Variants in VPS13B observed in about 807,000 individuals in gnomAD.
The protein encoded by VPS13B is intermembrane lipid transfer protein VPS13B.
A neutral mutation model predicts 426.4 loss-of-function variants in VPS13B; 285 were observed. The ratio of observed to expected loss-of-function variants is 0.67; its 90% CI spans 0.61 to 0.74. The LOEUF is 0.74. Among genes scored for constraint, VPS13B ranks in the 30% least tolerant of loss-of-function variants. The pLI, the probability that VPS13B is intolerant of heterozygous loss-of-function variation, is 0.00. For synonymous variants in VPS13B, 1,676 were observed against 1,676.4 expected (o/e 1.00, Z 0.01); for missense variants, 4,537 against 4,782.6 (o/e 0.95, Z 1.51).
chr8:99,851,757 G>C (rs532642188), intron 55 of VPS13B, among the ~76,000 whole-genome samples: 2 of 152,224 alleles, frequency 1.3e-5, no homozygotes, highest in South Asian at 4.1e-4. Context: ...CAGGAGGTAA[G>C]AGCTAGAAGG....
chr8:99,704,179 G>C (rs551099976), intron 36 of VPS13B, among the ~76,000 whole-genome samples: 1 of 152,228 alleles, frequency 6.6e-6, no homozygotes, highest in Non-Finnish European at 1.5e-5. Flanking sequence ...CTGTCATCCA[G>C]ATGTACTTAT....
chr8:99,085,547 G>A (rs980086585), intron 3 of VPS13B, among the ~76,000 whole-genome samples: 2 of 152,104 alleles, frequency 1.3e-5, no homozygotes, highest in Admixed American at 1.3e-4. Flanking sequence ...TCCTAGCATC[G>A]ATGGTGTTTA....
chr8:99,438,550 A>AT (rs1817519995), intron 22 of VPS13B, among the ~76,000 whole-genome samples: 1 of 152,172 alleles, frequency 6.6e-6, no homozygotes, highest in Non-Finnish European at 1.5e-5. Context: ...AAATCTAGGA[A>AT]TTTTTAATGT....
Position 99,286,308 on chromosome 8 carries a change from C to T in VPS13B, c.2824+11054C>T, listed in dbSNP as rs142215063. ...TATGGGGAAAAATGTAGTCTGGCTT[C>T]GGTCTGTTAAAGAATAATTTTTAAA... On this transcript the variant is annotated intron_variant, in intron 19 of 61. Coordinates refer to ENST00000357162, the MANE Select transcript of VPS13B (RefSeq NM_152564.5). Among the ~76,000 whole-genome samples the T allele has an allele frequency of 6.5e-3, 983 of 152,204 alleles. 8 individuals are homozygous for T. Among genetic ancestry groups the T allele is most frequent in the African/African-American group, 0.022 (923 of 41,530 alleles).
chr8:99,458,781 G>A (rs912957044), intron 23 of VPS13B, among the ~76,000 whole-genome samples: 3 of 152,036 alleles, frequency 2.0e-5, no homozygotes, highest in African/African-American at 7.2e-5. Context: ...TTTTTTTATT[G>A]TAAATTTGTT....
chr8:99,809,925 C>A (rs1813610851), intron 44 of VPS13B, among the ~76,000 whole-genome samples: 1 of 152,110 alleles, frequency 6.6e-6, no homozygotes, highest in African/African-American at 2.4e-5. Flanking sequence ...GGTTCTCATG[C>A]ACGTGAGAAT....
At chr8:99,540,414 A>G (rs1374800064) in intron 30 of VPS13B, among the ~76,000 whole-genome samples, 1 of 152,006 alleles carries the variant, frequency 6.6e-6, no homozygotes, top group Non-Finnish European at 1.5e-5. Context: ...ACTTTACAGA[A>G]TTAATGAAAA....
intron 19 of VPS13B, among the ~76,000 whole-genome samples, chr8:99,363,278 A>C (rs1381762306): frequency 6.6e-6 from 1 of 152,084 alleles, no homozygotes; most frequent in Non-Finnish European, 1.5e-5. Context: ...CCTTTCCCCA[A>C]TATGTGTTCT....
intron 19 of VPS13B, among the ~76,000 whole-genome samples, chr8:99,336,177 T>C (rs1289413592): frequency 6.6e-6 from 1 of 152,000 alleles, no homozygotes; most frequent in Non-Finnish European, 1.5e-5. Flanking sequence ...TATAGATCAA[T>C]GGAACAGAAC....
intron 30 of VPS13B, among the ~76,000 whole-genome samples, chr8:99,546,099 T>A (rs939445272): frequency 2.0e-5 from 3 of 152,218 alleles, no homozygotes; most frequent in African/African-American, 7.2e-5. Context: ...ATGATTATTG[T>A]AAGTTTGAGA....
chr8:99,778,649 A>C (rs372374753), intron 41 of VPS13B, 33 bp from the exon 42 acceptor site: 28 of 1,579,048 alleles, frequency 1.8e-5, no homozygotes, highest in Admixed American at 1.3e-4. Context: ...GGCTCATCTT[A>C]ATTGCTGTTT....
intron 17 of VPS13B, among the ~76,000 whole-genome samples, chr8:99,221,479 T>C (rs1057064980): frequency 2.0e-5 from 3 of 152,074 alleles, no homozygotes; most frequent in African/African-American, 7.2e-5. Flanking sequence ...AGGAGAGAAA[T>C]GTTAATTTTT....
intron 52 of VPS13B, 122 bp from the exon 53 acceptor site, chr8:99,835,075 G>T: frequency 8.2e-7 from 1 of 1,223,438 alleles, no homozygotes; most frequent in East Asian, 2.4e-5. Flanking sequence ...AATCTCCCCT[G>T]AGTTATAAAA....
chr8:99,695,166 A>C (rs1339015979), intron 35 of VPS13B, among the ~76,000 whole-genome samples: 1 of 151,514 alleles, frequency 6.6e-6, no homozygotes, highest in Non-Finnish European at 1.5e-5. Context: ...TAAAACTAGA[A>C]ATACCATTTG....
intron 25 of VPS13B, among the ~76,000 whole-genome samples, chr8:99,498,819 C>T (rs1188587893): frequency 6.6e-6 from 1 of 152,076 alleles, no homozygotes; most frequent in Non-Finnish European, 1.5e-5. Flanking sequence ...TTTTTTCCCA[C>T]TCTTGCATTG....
intron 39 of VPS13B, among the ~76,000 whole-genome samples, chr8:99,761,659 C>G (rs1180634783): frequency 2.0e-5 from 3 of 152,006 alleles, no homozygotes; most frequent in Non-Finnish European, 4.4e-5. Context: ...TTCTGTATAC[C>G]CTCTCCACCA....
intron 25 of VPS13B, among the ~76,000 whole-genome samples, chr8:99,493,963 T>C (rs888664168): frequency 6.6e-6 from 1 of 152,064 alleles, no homozygotes; most frequent in Non-Finnish European, 1.5e-5. Flanking sequence ...AACTTCATAC[T>C]ATGTATTGAT....
At position 99,751,452 on chromosome 8, in the gene VPS13B, T is replaced by C. The variant is rs78613068; in HGVS notation, c.7051-15322T>C. 1.1e-4 allele frequency among the ~76,000 whole-genome samples: 17 copies of C among 152,294 alleles called. No homozygotes were observed. In the East Asian group the frequency reaches 3.3e-3, roughly 29 times the overall value. On this transcript the variant is annotated intron_variant, in intron 39 of 61. Transcript: ENST00000357162. ...AGTACATTGGTAAAGAAAATGCTTA[T>C]ATTTTTAAAACACACTTCAAATCAC... is the stretch of plus-strand genomic sequence containing the variant.
Position 99,161,732 on chromosome 8 carries a change from C to CTT in VPS13B, c.2208+5006_2208+5007dup, listed in dbSNP as rs374438896. ...TCCCTGGTGTTAAGTGTACTAAATC[C>CTT]TTTTTTTTTTTTTTTTTTGAGACAG... On this transcript the variant is annotated intron_variant, in intron 15 of 61. Transcript: ENST00000357162. 1.7e-3 allele frequency among the ~76,000 whole-genome samples: 226 copies of CTT among 131,028 alleles called. 3 individuals carry two copies. The highest frequency in any genetic ancestry group is 3.5e-3 in the East Asian group (16 of 4,516). The allele number at this position is 131,028 out of a possible 152,430, so 86.0% of individuals were successfully genotyped here.
Sources: gnomAD v4.1 joint callset for allele counts (sites outside exome capture counted in the v4.1 genomes callset) on GRCh38, gnomAD v4.1.1 for gene constraint, MANE v1.5 for transcripts, NCBI Gene and HGNC (gene_info 2026-07-23, HGNC 2026-07-21) for gene names.